Variants in EPHA6 observed in about 807,000 individuals in gnomAD.
EPHA6 encodes ephrin type-A receptor 6.
In EPHA6, 50 loss-of-function variants were observed where a neutral mutation model predicts 112.0. The ratio of observed to expected loss-of-function variants is 0.45; its 90% CI spans 0.36 to 0.56. EPHA6 has a LOEUF of 0.56. Ranked by LOEUF, EPHA6 falls within the 20% of genes least tolerant of loss-of-function variation. EPHA6 has a pLI of 0.00. For missense variants in EPHA6, 1,280 were observed against 1,417.4 expected (o/e 0.90, Z 1.56); for synonymous variants, 529 against 490.7 (o/e 1.08, Z -1.03).
chr3:97,186,075 G>C (rs149900733), intron 3 of EPHA6, among the ~76,000 whole-genome samples: 1 of 130,166 alleles, frequency 7.7e-6, no homozygotes. Context: ...GGTCGGGGGA[G>C]GGGGGAGGGA....
At chr3:96,978,702 A>G (rs893300521) in intron 2 of EPHA6, among the ~76,000 whole-genome samples, 3 of 152,178 alleles carry the variant, frequency 2.0e-5, no homozygotes, top group African/African-American at 2.4e-5. Context: ...TCAGTGTAAA[A>G]AAAAATGCAT....
intron 5 of EPHA6, among the ~76,000 whole-genome samples, chr3:97,383,232 A>G (rs146858822): frequency 1.6e-4 from 25 of 152,186 alleles, no homozygotes; most frequent in African/African-American, 6.0e-4. Flanking sequence ...TAATAGGGAC[A>G]TTGACATAGC....
Position 97,040,669 on chromosome 3 carries a change from A to G in EPHA6, c.1114+52676A>G, listed in dbSNP as rs1372896184. Among the ~76,000 whole-genome samples the G allele has an allele frequency of 8.5e-5, 13 of 152,122 alleles. No homozygotes were observed. The South Asian group carries it at 2.5e-3, about 29-fold the overall frequency. ...CCAAGCATTCATATTCTCCCTAGAG[A>G]TGATTCCTGAAATAAAATAGTTTTA... On this transcript the variant is annotated intron_variant, in intron 3 of 17. Transcript: ENST00000389672.
intron 1 of EPHA6, among the ~76,000 whole-genome samples, chr3:96,859,593 T>G (rs544825731): frequency 6.6e-6 from 1 of 152,172 alleles, no homozygotes; most frequent in Admixed American, 6.6e-5. Context: ...GGTCTTGGTA[T>G]GTTGCTTAGG....
rs76316510 is a variant in EPHA6 at position 96,927,200 on chromosome 3, C to T, written c.451-60130C>T. ...GCTGTACCTTGGCCTCTTTTAGCCACGACTGGAGCAGTTAGGATGCAGGGC... is the reference window on the plus strand; with the variant it reads ...GCTGTACCTTGGCCTCTTTTAGCCATGACTGGAGCAGTTAGGATGCAGGGC... On this transcript the variant is annotated intron_variant, in intron 2 of 17. Transcript: ENST00000389672. Among the ~76,000 whole-genome samples the T allele has an allele frequency of 8.2e-3, 1,248 of 152,314 alleles. 7 individuals are homozygous for T. The highest frequency in any genetic ancestry group is 0.013 in the Non-Finnish European group (851 of 68,038).
chr3:97,088,262 G>T (rs2046963622), intron 3 of EPHA6, among the ~76,000 whole-genome samples: 1 of 152,110 alleles, frequency 6.6e-6, no homozygotes, highest in South Asian at 2.1e-4. Flanking sequence ...GTATTAGTAA[G>T]CAGGCTCCCA....
intron 5 of EPHA6, among the ~76,000 whole-genome samples, chr3:97,340,758 G>A (rs956282526): frequency 7.2e-5 from 11 of 152,168 alleles, no homozygotes; most frequent in African/African-American, 2.7e-4. Flanking sequence ...TCTTTCCTCT[G>A]TGTTAGCATG....
At chr3:97,433,805 A>G (rs938681976) in intron 6 of EPHA6, among the ~76,000 whole-genome samples, 2 of 152,086 alleles carry the variant, frequency 1.3e-5, no homozygotes, top group African/African-American at 4.8e-5. Flanking sequence ...CCCCTGCAGT[A>G]CCAAACATAT....
At chr3:97,168,986 G>T (rs2076616863) in intron 3 of EPHA6, among the ~76,000 whole-genome samples, 1 of 152,096 alleles carries the variant, frequency 6.6e-6, no homozygotes, top group East Asian at 1.9e-4. Flanking sequence ...TGTGATAATG[G>T]ACTAATATAC....
At chr3:96,980,055 A>G (rs936081445) in intron 2 of EPHA6, among the ~76,000 whole-genome samples, 1 of 152,174 alleles carries the variant, frequency 6.6e-6, no homozygotes, top group Non-Finnish European at 1.5e-5. Flanking sequence ...CTTGAGTTTA[A>G]TTAGATCCCA....
chr3:97,481,429 A>G (rs1435611727), intron 9 of EPHA6: 1 of 1,405,324 alleles, frequency 7.1e-7, no homozygotes, highest in Admixed American at 1.7e-5. Context: ...TTTCTCCAAA[A>G]TAATACAGGC....
intron 2 of EPHA6, among the ~76,000 whole-genome samples, chr3:96,974,596 C>T (rs1039694589): frequency 2.6e-5 from 4 of 151,806 alleles, no homozygotes; most frequent in African/African-American, 9.7e-5. Context: ...ATTATACATG[C>T]TTCTACAGAA....
chr3:97,123,883 C>T (rs1319467462), intron 3 of EPHA6, among the ~76,000 whole-genome samples: 2 of 151,810 alleles, frequency 1.3e-5, no homozygotes, highest in Non-Finnish European at 2.9e-5. Flanking sequence ...CGTTTAGCTG[C>T]ATACATTGTC....
chr3:97,662,917 G>A (rs1323137612), intron 14 of EPHA6, among the ~76,000 whole-genome samples: 1 of 152,124 alleles, frequency 6.6e-6, no homozygotes, highest in African/African-American at 2.4e-5. Flanking sequence ...GGGCCTTGTC[G>A]AGGCCACCCT....
chr3:96,972,018 A>G (rs926084167), intron 2 of EPHA6, among the ~76,000 whole-genome samples: 7 of 152,152 alleles, frequency 4.6e-5, no homozygotes, highest in Admixed American at 4.6e-4. Flanking sequence ...TATTGTTTTA[A>G]TCTATCTTTA....
intron 14 of EPHA6, among the ~76,000 whole-genome samples, chr3:97,647,078 G>C (rs936508563): frequency 1.3e-5 from 2 of 152,096 alleles, no homozygotes; most frequent in Non-Finnish European, 1.5e-5. Flanking sequence ...TTCCTAGGAG[G>C]GACAGGTTTC....
intron 5 of EPHA6, among the ~76,000 whole-genome samples, chr3:97,274,499 A>T (rs1300633368): frequency 6.6e-6 from 1 of 152,194 alleles, no homozygotes; most frequent in Non-Finnish European, 1.5e-5. Context: ...TTCAGCCCAT[A>T]CAACAGCATG....
In EPHA6 at chr3:96,987,640, T is replaced by A. The variant is rs778925598; in HGVS notation, c.761T>A (p.Met254Lys). The A allele has an allele frequency of 6.2e-7, 1 of 1,609,610 alleles. No individual in the cohort carries two copies. Among genetic ancestry groups the A allele is most frequent in the Non-Finnish European group, 8.5e-7 (1 of 1,176,510 alleles). ...TIAADESFTQ[M>K]DLGDRILKLN... ...GCTGCTGATGAGAGTTTTACCCAGA[T>A]GGATTTGGGTGATCGCATCCTCAAA... The change falls in exon 3 of 18, where the codon ATG (methionine) becomes AAG (lysine). Residue 254 changes from methionine (M) to lysine (K), a missense_variant. By Grantham distance (95) the Met-to-Lys change is moderately conservative (BLOSUM62 -1). Around this residue, in one of 4 missense-constraint regions of EPHA6, gnomAD observed 878 missense variants for 999.7 expected, o/e 0.88. Transcript: ENST00000389672.
At position 97,500,623 on chromosome 3, in the gene EPHA6, G is replaced by A. The variant is rs571320018; in HGVS notation, c.2200+16564G>A. ...GGGATTATAATTCACCATGAGATCT[G>A]GATGGAGAGACAGATCCAAACCATA... On this transcript the variant is annotated intron_variant, in intron 10 of 17. Transcript: ENST00000389672. 3.5e-4 allele frequency among the ~76,000 whole-genome samples: 53 copies of A among 152,246 alleles called. 1 individual carries two copies. The highest frequency in any genetic ancestry group is 1.5e-3 in the South Asian group (7 of 4,818).
Sources: allele counts gnomAD v4.1 joint callset (sites outside exome capture counted in the v4.1 genomes callset), GRCh38; gene constraint gnomAD v4.1.1; regional missense constraint gnomAD v4.1.1; transcripts MANE v1.5; gene names NCBI Gene and HGNC (gene_info 2026-07-23, HGNC 2026-07-21).